The following CDC25A variants were observed in gnomAD, a reference collection of about 807,000 sequenced individuals.
The protein encoded by CDC25A is cell division cycle 25A.
Under a neutral mutation model 64.6 loss-of-function variants are expected in CDC25A, and 17 were observed. The ratio of observed to expected loss-of-function variants is 0.26; its 90% confidence interval spans 0.18 to 0.39. The LOEUF (loss-of-function observed/expected upper bound fraction) is 0.39, where lower values mean the gene tolerates loss of function less well. Ranked by LOEUF, CDC25A falls within the 10% of genes least tolerant of loss-of-function variation. The pLI is 1.00. For synonymous variants in CDC25A, 229 were observed against 238.6 expected, an observed-to-expected ratio of 0.96 and a Z score of 0.37; for missense variants, 473 against 654.8, an observed-to-expected ratio of 0.72 and a Z score of 3.03.
intron 5 of CDC25A, among the ~76,000 whole-genome samples, 197 bp downstream of exon 5, chr3:48,182,732 G>A (rs1374785288): frequency 1.3e-5 from 2 of 152,176 alleles, no homozygotes; most frequent in East Asian, 3.8e-4. Context: ...TTACAAAAGA[G>A]CAAAGATTAA....
rs758731417 is a variant in CDC25A, at chr3:48,174,267, G to C, written c.930+17C>G. 1.3e-6 allele frequency: 2 copies of C among 1,595,674 alleles called. No individual in the cohort carries two copies. Among genetic ancestry groups the C allele is most frequent in the South Asian group, 2.3e-5 (2 of 87,800 alleles). ...ACAGTATCTGTGCTAGAGCAAAAAG[G>C]AACCTAGGAAACTAACCTCATGGGC... On this transcript the variant is annotated intron_variant, in intron 9 of 14. Transcript: ENST00000302506.
intron 2 of CDC25A, among the ~76,000 whole-genome samples, chr3:48,186,209 T>C (rs775731739): frequency 2.6e-5 from 4 of 152,192 alleles, no homozygotes; most frequent in Non-Finnish European, 5.9e-5. Flanking sequence ...CACCACCTCC[T>C]TATAGACATT....
chr3:48,167,637 C>T (rs922368965), intron 10 of CDC25A, among the ~76,000 whole-genome samples: 15 of 152,198 alleles, frequency 9.9e-5, no homozygotes, highest in African/African-American at 3.6e-4. Context: ...TAAAACTGCC[C>T]ATCAGCTATA....
chr3:48,168,657 G>T (rs181873199), intron 9 of CDC25A, among the ~76,000 whole-genome samples: 1 of 143,504 alleles, frequency 7.0e-6, no homozygotes, highest in Non-Finnish European at 1.5e-5. Flanking sequence ...ACAGAGTCTC[G>T]CTCTGTCGCT....
chr3:48,168,008 C>G, intron 9 of CDC25A, 64 bp from the exon 10 acceptor site: 1 of 938,876 alleles, frequency 1.1e-6, no homozygotes, highest in Non-Finnish European at 1.8e-6. Context: ...AAAACATTCA[C>G]TTGGAGCATG....
At chr3:48,168,526 C>T (rs1255463865) in intron 9 of CDC25A, among the ~76,000 whole-genome samples, 2 of 151,604 alleles carry the variant, frequency 1.3e-5, no homozygotes, top group African/African-American at 4.9e-5. Flanking sequence ...CACTGCACTC[C>T]AGCCTGGGTG....
At chr3:48,165,775 G>A in intron 11 of CDC25A, 41 bp from the exon 12 acceptor site, 1 of 1,594,430 alleles carries the variant, frequency 6.3e-7, no homozygotes, top group East Asian at 2.2e-5. Context: ...TTGACCGTCA[G>A]GGAAAACTAG....
intron 6 of CDC25A, among the ~76,000 whole-genome samples, chr3:48,178,427 CAG>C (rs149237448): frequency 0.25 from 38,115 of 152,022 alleles, 5,149 homozygotes; most frequent in Non-Finnish European, 0.3. Context: ...CCAGTTCTGA[CAG>C]GGGGGAATAA....
chr3:48,186,211 A>G (rs1575275143), intron 2 of CDC25A, among the ~76,000 whole-genome samples: 1 of 152,280 alleles, frequency 6.6e-6, no homozygotes, highest in East Asian at 1.9e-4. Flanking sequence ...CCACCTCCTT[A>G]TAGACATTTG....
Position 48,182,974 on chromosome 3 carries a change from G to A in CDC25A, c.384C>T (p.Asp128=), listed in dbSNP as rs143367735. The part of the protein sequence containing the change: ...ALKRSHSDSL[D]HDIFQLIDPD... ...GGTCGATGAGCTGAAAGATGTCATG[G>A]TCAAGAGAATCAGAATGGCTCCTCT... Residue 128 remains aspartate (D), a synonymous_variant, in exon 5 of 15, where the codon GAC becomes GAT. Transcript: ENST00000302506. 1.9e-6 allele frequency: 3 copies of A among 1,613,748 alleles called. No individual in the cohort carries two copies. The highest frequency in any genetic ancestry group is 1.3e-5 in the African/African-American group (1 of 75,026).
At position 48,158,391 on chromosome 3, in the gene CDC25A, T is replaced by C. The variant is rs1206596065; in HGVS notation, c.*554A>G. The C allele has an allele frequency of 6.6e-6, 1 of 151,644 alleles. No individual in the cohort carries two copies. The highest frequency in any genetic ancestry group is 1.9e-4 in the East Asian group (1 of 5,180). The allele number at this position is 151,644 out of a possible 1,614,324, so 9.4% of individuals were successfully genotyped here. A position where few individuals can be genotyped will look rare whatever the true frequency, so the allele number is the denominator to read the frequency against. The stretch of plus-strand genomic sequence containing the variant: ...TTTTTTTTTAAATTAAAAGCCGAGG[T>C]AGTCCCTGGGATAATAAAACCCTAC... On this transcript the variant is annotated 3_prime_UTR_variant, in exon 15 of 15. Transcript: ENST00000302506.
intron 13 of CDC25A, among the ~76,000 whole-genome samples, chr3:48,162,886 T>C (rs567250578): frequency 2.7e-4 from 40 of 150,696 alleles, no homozygotes; most frequent in African/African-American, 9.7e-4. Context: ...GCACAGTGGC[T>C]CATGCCTGCA....
chr3:48,167,913 G>A lies in CDC25A; in HGVS notation c.962C>T (p.Ser321Phe), dbSNP rs150267735. The change falls in exon 10 of 15, where the codon TCC (serine) becomes TTC (phenylalanine). Residue 321 changes from serine to phenylalanine, a missense_variant. Around this residue, in one of 2 missense-constraint regions of CDC25A, gnomAD observed 376 missense variants for 431.9 expected, o/e 0.87. Transcript: ENST00000302506. ...AATGTTCTCAATGGTTCCTTTGGGG[G>A]AAGATGCCAGGGATAAAGACTGATG... ...TLHQSLSLAS[S>F]PKGTIENILD... 17 of 1,609,422 alleles carry A rather than the reference G, an allele frequency of 1.1e-5. No individual in the cohort carries two copies. Among genetic ancestry groups the A allele is most frequent in the Non-Finnish European group, 1.4e-5 (17 of 1,175,938 alleles).
chr3:48,174,634 ACT>A, intron 8 of CDC25A, 177 bp from the exon 9 acceptor site: 1 of 581,464 alleles, frequency 1.7e-6, no homozygotes, highest in Non-Finnish European at 3.0e-6. Flanking sequence ...CATAGTAGGC[ACT>A]GAGCACTTAG....
chr3:48,158,785 C>CTTGGAGATGCCACA lies in CDC25A; in HGVS notation c.*159_*160insTGTGGCATCTCCAA. The CTTGGAGATGCCACA allele has an allele frequency of 1.2e-6, 1 of 846,338 alleles. No homozygotes were observed. The highest frequency in any genetic ancestry group is 1.7e-5 in the South Asian group (1 of 59,406). 52.4% of individuals were successfully genotyped at this position (846,338 alleles called of 1,614,324 possible). A position where few individuals can be genotyped will look rare whatever the true frequency, so the allele number is the denominator to read the frequency against. ...CGTAGCCAGCAAGATGCCCTGGGCT[C>CTTGGAGATGCCACA]CAACCTTGGGAGTGTGGGAGGTAGG... On this transcript the variant is annotated 3_prime_UTR_variant, in exon 15 of 15. Coordinates refer to ENST00000302506, the MANE Select transcript of CDC25A (RefSeq NM_001789.3).
chr3:48,164,298 A>G lies in CDC25A; in HGVS notation c.1322+9T>C, dbSNP rs781567234. 9 of 1,561,144 alleles carry G rather than the reference A, an allele frequency of 5.8e-6. No homozygotes were observed. The East Asian group carries it at 1.4e-4, about 25-fold the overall frequency. On this transcript the variant is annotated intron_variant, in intron 13 of 14. Transcript: ENST00000302506. Reference sequence around the variant, plus strand: ...TGTGCCCCAGAACCCAGTTCCGTGCAGCACTCACATGCGGGGACCTCTCTC... The same window carrying G: ...TGTGCCCCAGAACCCAGTTCCGTGCGGCACTCACATGCGGGGACCTCTCTC...
rs2031917159 is a variant in CDC25A, at chr3:48,164,442, G to C, written c.1192-5C>G. The C allele has an allele frequency of 1.3e-6, 2 of 1,553,564 alleles. No individual in the cohort carries two copies. The highest frequency in any genetic ancestry group is 2.8e-5 in the African/African-American group (2 of 71,668). On this transcript the variant is annotated splice_region_variant and splice_polypyrimidine_tract_variant and intron_variant, in intron 12 of 14. Coordinates refer to ENST00000302506, the MANE Select transcript of CDC25A (RefSeq NM_001789.3). ...CATGTGCAAGTTCACTGCACCCTGT[G>C]AAGACAACAGAGACCCTTGGAACCT...
intron 5 of CDC25A, among the ~76,000 whole-genome samples, chr3:48,181,316 A>G (rs2106753086): frequency 6.6e-6 from 1 of 152,224 alleles, no homozygotes; most frequent in Non-Finnish European, 1.5e-5. Context: ...GGTTTACTCA[A>G]CGTGGACGAT....
At position 48,158,886 on chromosome 3, in the gene CDC25A, A is replaced by G; in HGVS notation, c.*59T>C. 1 of 1,592,374 alleles carries G rather than the reference A, an allele frequency of 6.3e-7. No homozygotes were observed. The highest frequency in any genetic ancestry group is 8.6e-7 in the Non-Finnish European group (1 of 1,167,344). ...CCCTTTGCTTAAGTTTCTCTGCAGC[A>G]AAGAGGGTAAAGGGGGATGGAGGGA... On this transcript the variant is annotated 3_prime_UTR_variant, in exon 15 of 15. Transcript: ENST00000302506.
Sources: allele counts gnomAD v4.1 joint callset (sites outside exome capture counted in the v4.1 genomes callset), GRCh38; gene constraint gnomAD v4.1.1; regional missense constraint gnomAD v4.1.1; transcripts MANE v1.5; gene names NCBI Gene and HGNC (gene_info 2026-07-23, HGNC 2026-07-21).